EPG5: variants seen among roughly 807,000 people sequenced by gnomAD.
EPG5 encodes the protein ectopic P granules protein 5 homolog.
A neutral mutation model predicts 302.7 loss-of-function variants in EPG5; 159 were observed. The ratio of observed to expected loss-of-function variants is 0.53; its 90% CI spans 0.46 to 0.60. The LOEUF (loss-of-function observed/expected upper bound fraction) is 0.60. EPG5 is among the 20% of genes least tolerant of loss of function. The pLI, the probability that EPG5 is intolerant of heterozygous loss-of-function variation, is 0.00. For missense variants in EPG5, 2,896 were observed against 3,092.4 expected (o/e 0.94, Z 1.51); for synonymous variants, 1,158 against 1,136.8 (o/e 1.02, Z -0.37).
chr18:45,919,544 G>C (rs755525558), intron 16 of EPG5, among the ~76,000 whole-genome samples: 1 of 146,416 alleles, frequency 6.8e-6, no homozygotes, highest in Non-Finnish European at 1.5e-5. Context: ...ACAGAGTCTC[G>C]CTCTGTCGCC....
chr18:45,876,102 T>C (rs2048966424), intron 35 of EPG5, 134 bp downstream of exon 35: 1 of 631,964 alleles, frequency 1.6e-6, no homozygotes, highest in Non-Finnish European at 2.8e-6. Flanking sequence ...ACTAAATAAT[T>C]GTATCAGCGA....
chr18:45,874,613 C>T (rs1311894607), intron 35 of EPG5, among the ~76,000 whole-genome samples: 1 of 152,134 alleles, frequency 6.6e-6, no homozygotes, highest in Non-Finnish European at 1.5e-5. Flanking sequence ...ACCACCAGAT[C>T]TCATGAGACT....
At chr18:45,858,250 C>T (rs551817767) in intron 41 of EPG5, among the ~76,000 whole-genome samples, 182 bp from the exon 42 acceptor site, 3 of 152,334 alleles carry the variant, frequency 2.0e-5, no homozygotes, top group East Asian at 3.9e-4. Context: ...ACACCTACTA[C>T]ACGCCACTGT....
the EPG5 span, chr18:45,839,015 C>G: frequency 6.3e-7 from 1 of 1,586,974 alleles, no homozygotes; most frequent in African/African-American, 1.4e-5. Flanking sequence ...TCGACGGTCG[C>G]CCTCCTGCTC....
At chr18:45,876,940 C>T (rs561665740) in intron 34 of EPG5, among the ~76,000 whole-genome samples, 2 of 152,102 alleles carry the variant, frequency 1.3e-5, no homozygotes, top group Admixed American at 6.5e-5. Flanking sequence ...CCGACCACCA[C>T]ATCCAGCTAA....
intron 29 of EPG5, among the ~76,000 whole-genome samples, chr18:45,887,514 G>A (rs1374502326): frequency 1.3e-5 from 2 of 152,164 alleles, no homozygotes; most frequent in African/African-American, 2.4e-5. Context: ...TATATGACAA[G>A]TTCTGATGTC....
At chr18:45,904,413 T>C (rs2145614250) in intron 24 of EPG5, among the ~76,000 whole-genome samples, 1 of 152,202 alleles carries the variant, frequency 6.6e-6, no homozygotes, top group East Asian at 1.9e-4. Flanking sequence ...CTATAAGACA[T>C]AGGTAAAAAA....
chr18:45,935,610 G>GC (rs60557015), intron 10 of EPG5, among the ~76,000 whole-genome samples: 24,443 of 114,282 alleles, frequency 0.21, 2,361 homozygotes, highest in African/African-American at 0.46. Flanking sequence ...GCGCACACAG[G>GC]TACTAAGGCA....
chr18:45,928,550 A>C (rs2050327643), intron 13 of EPG5, among the ~76,000 whole-genome samples: 1 of 152,242 alleles, frequency 6.6e-6, no homozygotes, highest in Non-Finnish European at 1.5e-5. Context: ...AAATATAAAA[A>C]CTATGAAAGC....
the EPG5 span, among the ~76,000 whole-genome samples, chr18:45,827,850 C>A: frequency 6.6e-6 from 1 of 152,150 alleles, no homozygotes; most frequent in East Asian, 1.9e-4. Context: ...CAGCAAGACA[C>A]AAAGGATTTA....
rs2050904465 is a variant in EPG5 at position 45,951,307 on chromosome 18, C to T, written c.1253-69G>A. Reference sequence around the variant, plus strand: ...TTTGGGGGAATTTTTAGTGTCTTCACTTAAACCAATAACAACAAAAACCTT... The same window carrying T: ...TTTGGGGGAATTTTTAGTGTCTTCATTTAAACCAATAACAACAAAAACCTT... On this transcript the variant is annotated intron_variant, in intron 3 of 43. Coordinates refer to ENST00000282041, the MANE Select transcript of EPG5 (RefSeq NM_020964.3). 4 of 1,173,956 alleles carry T rather than the reference C, an allele frequency of 3.4e-6. No homozygotes were observed. In the Admixed American group the frequency reaches 9.4e-5, roughly 27 times the overall value. The allele number at this position is 1,173,956 out of a possible 1,614,324, so 72.7% of individuals were successfully genotyped here.
chr18:45,912,508 C>A (rs758154176), intron 21 of EPG5, 52 bp from the exon 22 acceptor site: 1 of 1,516,532 alleles, frequency 6.6e-7, no homozygotes, highest in Admixed American at 2.2e-5. Flanking sequence ...TAAATGCAAA[C>A]GGTTAACTCT....
chr18:45,872,431 C>T (rs1031351873), intron 35 of EPG5, among the ~76,000 whole-genome samples: 2 of 152,196 alleles, frequency 1.3e-5, no homozygotes, highest in African/African-American at 4.8e-5. Context: ...AGGCTGTGTG[C>T]AGTGGCTCAC....
In EPG5 at chr18:45,882,402, G is replaced by A. The variant is rs1411482327; in HGVS notation, c.5390C>T (p.Thr1797Ile). ...CTCATCTGGTTCAAGGCCCCAGGCAGTAAGTGCCAAGTGAATGGACTCCAG... is the reference window on the plus strand; with the variant it reads ...CTCATCTGGTTCAAGGCCCCAGGCAATAAGTGCCAAGTGAATGGACTCCAG... ...RLLESIHLAL[T>I]AWGLEPDEDI... Residue 1797 changes from threonine to isoleucine, a missense_variant, in exon 31 of 44, where the codon ACT becomes ATT. By Grantham distance (89) the Thr-to-Ile change is moderately conservative. This residue lies in a region of EPG5 where 790 missense variants were observed against 798.0 expected (regional missense o/e 0.99). Transcript: ENST00000282041. The A allele has an allele frequency of 1.9e-6, 3 of 1,614,106 alleles. No individual in the cohort carries two copies. Among genetic ancestry groups the A allele is most frequent in the African/African-American group, 2.7e-5 (2 of 74,932 alleles).
intron 1 of EPG5, among the ~76,000 whole-genome samples, chr18:45,961,256 A>C (rs1660162488): frequency 6.6e-6 from 1 of 152,198 alleles, no homozygotes; most frequent in Non-Finnish European, 1.5e-5. Flanking sequence ...TCTTTAAAGC[A>C]CAAGTGGAAT....
intron 35 of EPG5, among the ~76,000 whole-genome samples, chr18:45,872,532 T>C (rs1212242777): frequency 2.6e-5 from 4 of 152,186 alleles, no homozygotes; most frequent in Admixed American, 2.6e-4. Context: ...GGTGAAACTC[T>C]GTCTCTACCA....
chr18:45,913,996 G>T (rs2049971291), intron 20 of EPG5, among the ~76,000 whole-genome samples, 168 bp from the exon 21 acceptor site: 1 of 152,142 alleles, frequency 6.6e-6, no homozygotes, highest in African/African-American at 2.4e-5. Flanking sequence ...CCTTGTCGCA[G>T]ATATAAATTT....
At chr18:45,948,471 A>T in intron 6 of EPG5, 32 bp downstream of exon 6, 1 of 1,553,612 alleles carries the variant, frequency 6.4e-7, no homozygotes, top group Non-Finnish European at 8.9e-7. Context: ...AAGCATTTCA[A>T]TCTCTACTTC....
At chr18:45,870,960 T>C (rs2048859705) in intron 35 of EPG5, among the ~76,000 whole-genome samples, 2 of 152,208 alleles carry the variant, frequency 1.3e-5, no homozygotes, top group South Asian at 4.1e-4. Flanking sequence ...AATGAGCAGA[T>C]GCTGTGTGGG....
Sources: gnomAD v4.1 joint callset for allele counts (sites outside exome capture counted in the v4.1 genomes callset) on GRCh38, gnomAD v4.1.1 for gene constraint, gnomAD v4.1.1 regional missense constraint, MANE v1.5 for transcripts, NCBI Gene and HGNC (gene_info 2026-07-23, HGNC 2026-07-21) for gene names.